SLC36A4: variants seen among roughly 807,000 people sequenced by gnomAD.
The protein encoded by SLC36A4 is neutral amino acid uniporter 4.
Under a neutral mutation model 50.5 loss-of-function variants are expected in SLC36A4, and 49 were observed. The observed-to-expected ratio is 0.97, with a 90% CI of 0.77 to 1.23. The LOEUF is 1.23. SLC36A4 is among the 50% of genes most tolerant of loss of function. The pLI, the probability that SLC36A4 is intolerant of heterozygous loss-of-function variation, is 0.00. For synonymous variants in SLC36A4, 207 were observed against 206.5 expected (o/e 1.00, Z -0.02); for missense variants, 611 against 608.4 (o/e 1.00, Z -0.05).
chr11:93,173,016 G>T (rs1472601154), intron 6 of SLC36A4, among the ~76,000 whole-genome samples: 4 of 144,190 alleles, frequency 2.8e-5, no homozygotes, highest in South Asian at 4.6e-4. Context: ...CTGAGGAATC[G>T]CCACACTGAC....
At chr11:93,174,911 T>A (rs1223655133) in intron 6 of SLC36A4, among the ~76,000 whole-genome samples, 1 of 146,582 alleles carries the variant, frequency 6.8e-6, no homozygotes, top group South Asian at 2.4e-4. Flanking sequence ...AAATTCTCTT[T>A]TTTGGTTGTG....
intron 9 of SLC36A4, among the ~76,000 whole-genome samples, chr11:93,158,677 T>C (rs1193356786): frequency 6.6e-6 from 1 of 152,150 alleles, no homozygotes. Context: ...GGAATCTATA[T>C]TTTCAATCAC....
intron 6 of SLC36A4, among the ~76,000 whole-genome samples, chr11:93,178,025 T>C (rs1211739436): frequency 6.6e-6 from 1 of 152,156 alleles, no homozygotes; most frequent in Non-Finnish European, 1.5e-5. Context: ...CTCCACCCAG[T>C]TCGAGCTTCC....
chr11:93,164,476 C>T (rs1455863301), intron 8 of SLC36A4, among the ~76,000 whole-genome samples: 1 of 152,146 alleles, frequency 6.6e-6, no homozygotes, highest in Non-Finnish European at 1.5e-5. Context: ...AAAAGCTTTG[C>T]ATGCAGCATT....
chr11:93,152,440 A>G (rs1054872414), intron 10 of SLC36A4: 2 of 152,182 alleles, frequency 1.3e-5, no homozygotes, highest in African/African-American at 2.4e-5. Context: ...GTGTCCAGTG[A>G]TGTGTCCCAA....
In SLC36A4 at chr11:93,188,240, G is replaced by A. The variant is rs542841705; in HGVS notation, c.56-2426C>T. On this transcript the variant is annotated intron_variant, in intron 1 of 10. Coordinates refer to ENST00000326402, the MANE Select transcript of SLC36A4 (RefSeq NM_152313.4). ...CTTCAAGTTGAATTCACAGGTTTTA[G>A]GGGAGGATGTGTTGAGAGATCAGGA... Among the ~76,000 whole-genome samples the A allele has an allele frequency of 3.1e-3, 473 of 152,282 alleles. 3 individuals carry two copies. The highest frequency in any genetic ancestry group is 5.4e-3 in the Non-Finnish European group (366 of 68,024).
intron 6 of SLC36A4, among the ~76,000 whole-genome samples, chr11:93,169,762 T>A (rs1266499892): frequency 6.6e-6 from 1 of 152,094 alleles, no homozygotes; most frequent in Non-Finnish European, 1.5e-5. Flanking sequence ...TAATTTGAAA[T>A]AAAAACAAAA....
rs1375445600 is a variant in SLC36A4 at position 93,147,197 on chromosome 11, C to CTGG, written c.*1337_*1339dup. ...TCGAGGTCTCACTATGCTGCCCAGG[C>CTGG]TGGTCTCAAGCTCCTGGCCTCTCAA... is the stretch of plus-strand genomic sequence containing the variant. On this transcript the variant is annotated 3_prime_UTR_variant, in exon 11 of 11. Transcript: ENST00000326402. 1 of 152,118 alleles carries CTGG rather than the reference C, an allele frequency of 6.6e-6. No individual in the cohort carries two copies. The highest frequency in any genetic ancestry group is 2.4e-5 in the African/African-American group (1 of 41,420). 9.4% of individuals were successfully genotyped at this position (152,118 alleles called of 1,614,324 possible). A position where few individuals can be genotyped will look rare whatever the true frequency, so the allele number is the denominator to read the frequency against.
At position 93,185,717 on chromosome 11, in the gene SLC36A4, G is replaced by T. The variant is rs1056018062; in HGVS notation, c.153C>A (p.Tyr51Ter). 5.0e-6 allele frequency: 8 copies of T among 1,596,210 alleles called. No homozygotes were observed. Among genetic ancestry groups the T allele is most frequent in the Non-Finnish European group, 6.8e-6 (8 of 1,175,134 alleles). ...AAATGCCCTCTTGATCATCAAGTTG[G>T]TAATGCTTCTGAACAGGCAGAAGCT... ...EQELLPVQKH[Y>*]QLDDQEGISF... is the part of the protein sequence containing the mutation. Residue 51 changes from tyrosine to a stop codon, truncating the protein, a stop_gained, in exon 2 of 11, where the codon TAC (tyrosine) becomes TAA (stop). Transcript: ENST00000326402. LOFTEE classifies it high-confidence loss of function.
At chr11:93,197,337 G>A (rs1862470509) in intron 1 of SLC36A4, 1 of 179,446 alleles carries the variant, frequency 5.6e-6, no homozygotes, top group African/African-American at 2.4e-5. Context: ...AGCACGACCT[G>A]TTCGAAACTC....
intron 9 of SLC36A4, 59 bp from the exon 10 acceptor site, chr11:93,154,336 T>G (rs1490275803): frequency 1.3e-6 from 1 of 784,946 alleles, no homozygotes; most frequent in Non-Finnish European, 1.8e-6. Context: ...TTTTCCTCCT[T>G]TATTTTTAAT....
rs1860683591 is a variant in SLC36A4, at chr11:93,162,733, AT to A, written c.1009del (p.Ile337Ter). On this transcript the variant is annotated frameshift_variant, in exon 9 of 11. Coordinates refer to ENST00000326402, the MANE Select transcript of SLC36A4 (RefSeq NM_152313.4). LOFTEE classifies it high-confidence loss of function. Reference sequence around the variant, plus strand: ...TACATCTTGGGGAAGATTTAAAGTTATGCTGCCTTTGATTTCATCATGGAAA... The same window carrying A: ...TACATCTTGGGGAAGATTTAAAGTTAGCTGCCTTTGATTTCATCATGGAAA... ...MCFHDEIKGS[I>X]TLNLPQDVWL... The A allele has an allele frequency of 1.2e-6, 2 of 1,611,786 alleles. No homozygotes were observed. Among genetic ancestry groups the A allele is most frequent in the Non-Finnish European group, 1.7e-6 (2 of 1,179,316 alleles).
chr11:93,185,416 C>T (rs569568413), intron 2 of SLC36A4: 12 of 256,474 alleles, frequency 4.7e-5, no homozygotes, highest in Non-Finnish European at 8.8e-5. Flanking sequence ...TCATTTCAGA[C>T]ATCACTTCTC....
At chr11:93,196,329 C>T (rs1862420666) in intron 1 of SLC36A4, among the ~76,000 whole-genome samples, 1 of 151,948 alleles carries the variant, frequency 6.6e-6, no homozygotes, top group Non-Finnish European at 1.5e-5. Flanking sequence ...CTTATTTCCT[C>T]GGGAAATATT....
Position 93,151,169 on chromosome 11 carries a change from T to C in SLC36A4, c.1208-2325A>G, listed in dbSNP as rs149443381. On this transcript the variant is annotated intron_variant, in intron 10 of 10. Transcript: ENST00000326402. ...TATTAGTAGACAAAGAAGACAAGTA[T>C]ACATACTTTTAGCCAAATCCAACAT... 2.0e-4 allele frequency among the ~76,000 whole-genome samples: 31 copies of C among 152,110 alleles called. No homozygotes were observed. The East Asian group carries it at 6.0e-3, about 29-fold the overall frequency.
At chr11:93,164,331 C>T (rs1202622627) in intron 8 of SLC36A4, among the ~76,000 whole-genome samples, 3 of 152,102 alleles carry the variant, frequency 2.0e-5, no homozygotes, top group Non-Finnish European at 4.4e-5. Context: ...TAAGAAAAGG[C>T]TGACTGAAAA....
Position 93,146,308 on chromosome 11 carries a change from C to T in SLC36A4, c.*2229G>A, listed in dbSNP as rs549486753. 1.3e-5 allele frequency: 2 copies of T among 152,048 alleles called. No individual in the cohort carries two copies. The highest frequency in any genetic ancestry group is 4.8e-5 in the African/African-American group (2 of 41,534). 9.4% of individuals were successfully genotyped at this position (152,048 alleles called of 1,614,324 possible). On this transcript the variant is annotated 3_prime_UTR_variant, in exon 11 of 11. Coordinates refer to ENST00000326402, the MANE Select transcript of SLC36A4 (RefSeq NM_152313.4). Reference sequence around the variant, plus strand: ...GAAAACAGGTGACAAAAATCTAATGCTGCTTCCTATTAAATAATAATTTTC... The same window carrying T: ...GAAAACAGGTGACAAAAATCTAATGTTGCTTCCTATTAAATAATAATTTTC...
At position 93,154,201 on chromosome 11, in the gene SLC36A4, C is replaced by T. The variant is rs775412558; in HGVS notation, c.1114G>A (p.Glu372Lys). ...TYSIQFYVPA[E>K]IIIPGITSKF... ...GATGTGATCCCAGGGATAATGATCT[C>T]TGCTGGAACATAGAACTGAATTGAA... is the stretch of plus-strand genomic sequence containing the variant. The change falls in exon 10 of 11, where the codon GAG (glutamate) becomes AAG (lysine). Residue 372 changes from glutamate (E) to lysine (K), a missense_variant. Glu to Lys is a moderately conservative substitution (Grantham distance 56). Transcript: ENST00000326402. 1.9e-6 allele frequency: 3 copies of T among 1,558,152 alleles called. No homozygotes were observed. Among genetic ancestry groups the T allele is most frequent in the South Asian group, 2.6e-5 (2 of 78,080 alleles).
At chr11:93,164,934 A>C (rs764163054) in intron 8 of SLC36A4, among the ~76,000 whole-genome samples, 20 of 152,182 alleles carry the variant, frequency 1.3e-4, no homozygotes, top group Non-Finnish European at 2.5e-4. Flanking sequence ...TTTAGATGAG[A>C]AAATACATGT....
Sources: gnomAD v4.1 joint callset for allele counts (sites outside exome capture counted in the v4.1 genomes callset) on GRCh38, gnomAD v4.1.1 for gene constraint, MANE v1.5 for transcripts, NCBI Gene and HGNC (gene_info 2026-07-23, HGNC 2026-07-21) for gene names.